Variants in TBC1D19 observed in about 807,000 individuals in gnomAD.
The protein encoded by TBC1D19 is TBC1 domain family, member 19.
TBC1D19 carries 60 observed loss-of-function variants against 89.0 expected under a neutral mutation model. The ratio of observed to expected loss-of-function variants is 0.67; its 90% CI spans 0.55 to 0.84. TBC1D19 has a LOEUF of 0.84. Ranked by LOEUF, TBC1D19 falls within the 40% of genes least tolerant of loss-of-function variation. TBC1D19 has a pLI of 0.00. For synonymous variants in TBC1D19, 189 were observed against 199.7 expected, an observed-to-expected ratio of 0.95 and a Z score of 0.45; for missense variants, 500 against 610.8, an observed-to-expected ratio of 0.82 and a Z score of 1.91.
chr4:26,585,865 G>A (rs1171643469), intron 1 of TBC1D19, among the ~76,000 whole-genome samples: 5 of 152,066 alleles, frequency 3.3e-5, no homozygotes, highest in Non-Finnish European at 2.9e-5. Context: ...GATTACAGAC[G>A]TGAGCCACCA....
At chr4:26,609,637 G>A (rs999119627) in intron 1 of TBC1D19, among the ~76,000 whole-genome samples, 6 of 152,150 alleles carry the variant, frequency 3.9e-5, no homozygotes, top group African/African-American at 1.4e-4. Flanking sequence ...GCAACAGCAG[G>A]AGATGAATTT....
the TBC1D19 span, among the ~76,000 whole-genome samples, chr4:26,794,044 A>G: frequency 2.6e-5 from 4 of 152,196 alleles, no homozygotes; most frequent in Non-Finnish European, 5.9e-5. Context: ...AGGTGGGATC[A>G]CGTAGACTGA....
chr4:26,667,997 A>G (rs964420446), intron 9 of TBC1D19, among the ~76,000 whole-genome samples: 2 of 151,964 alleles, frequency 1.3e-5, no homozygotes, highest in African/African-American at 2.4e-5. Flanking sequence ...TCTCCATATT[A>G]AAGTAGAGGA....
the TBC1D19 span, among the ~76,000 whole-genome samples, chr4:26,808,118 A>G: frequency 6.6e-6 from 1 of 152,234 alleles, no homozygotes; most frequent in Non-Finnish European, 1.5e-5. Context: ...TTGAGGACCC[A>G]AAAAATGATT....
intron 18 of TBC1D19, among the ~76,000 whole-genome samples, 176 bp downstream of exon 18, chr4:26,742,775 G>A (rs567799764): frequency 1.1e-4 from 16 of 152,146 alleles, no homozygotes; most frequent in African/African-American, 3.9e-4. Flanking sequence ...AAAAATTCTT[G>A]AAAGAATTAC....
chr4:26,770,443 A>G, the TBC1D19 span, among the ~76,000 whole-genome samples: 4 of 152,150 alleles, frequency 2.6e-5, no homozygotes, highest in Non-Finnish European at 5.9e-5. Flanking sequence ...CAAGTCTACA[A>G]TTAATCAGAT....
At chr4:26,608,893 G>T (rs1741173345) in intron 1 of TBC1D19, among the ~76,000 whole-genome samples, 1 of 151,228 alleles carries the variant, frequency 6.6e-6, no homozygotes, top group Admixed American at 6.6e-5. Context: ...TGTTTATTGT[G>T]GCACTATTCA....
chr4:26,743,057 C>G (rs1330278884), intron 18 of TBC1D19, among the ~76,000 whole-genome samples: 1 of 152,074 alleles, frequency 6.6e-6, no homozygotes, highest in Non-Finnish European at 1.5e-5. Flanking sequence ...TGGTTGTACA[C>G]TGTGATTTCT....
At chr4:26,699,947 G>A (rs898437287) in intron 13 of TBC1D19, among the ~76,000 whole-genome samples, 3 of 151,762 alleles carry the variant, frequency 2.0e-5, no homozygotes, top group African/African-American at 7.3e-5. Flanking sequence ...AACCAACATG[G>A]CACATGTATA....
intron 4 of TBC1D19, among the ~76,000 whole-genome samples, chr4:26,634,110 T>A (rs1577841747): frequency 3.3e-5 from 5 of 151,726 alleles, no homozygotes; most frequent in African/African-American, 4.8e-5. Flanking sequence ...TCACCTCTGG[T>A]GGTGTAGCTA....
the TBC1D19 span, among the ~76,000 whole-genome samples, chr4:26,833,602 G>A: frequency 6.6e-6 from 1 of 152,202 alleles, no homozygotes; most frequent in African/African-American, 2.4e-5. Context: ...GAGCTGAAAT[G>A]TTTCTAAAGC....
At chr4:26,662,383 G>GA (rs2109082367) in intron 8 of TBC1D19, among the ~76,000 whole-genome samples, 1 of 152,160 alleles carries the variant, frequency 6.6e-6, no homozygotes, top group African/African-American at 2.4e-5. Context: ...CAAAGCTGAG[G>GA]AAATCTTTAT....
At chr4:26,783,734 A>T in the TBC1D19 span, among the ~76,000 whole-genome samples, 55,343 of 151,974 alleles carry the variant, frequency 0.36, 11,064 homozygotes, top group East Asian at 0.56. Context: ...ATAAGACAGG[A>T]GGATGCGGGT....
chr4:26,719,292 C>T (rs989792846), intron 14 of TBC1D19, among the ~76,000 whole-genome samples: 2 of 152,022 alleles, frequency 1.3e-5, no homozygotes, highest in African/African-American at 4.8e-5. Context: ...TCCACCCTAA[C>T]CTGAACTGCT....
rs1718331224 is a variant in TBC1D19 at position 26,740,944 on chromosome 4, A to G, written c.1227+971A>G. 6.1e-6 allele frequency: 6 copies of G among 985,460 alleles called. No individual in the cohort carries two copies. The South Asian group carries it at 2.8e-4, about 46-fold the overall frequency. The allele number at this position is 985,460 out of a possible 1,614,324, so 61.0% of individuals were successfully genotyped here. A position where few individuals can be genotyped will look rare whatever the true frequency, so the allele number is the denominator to read the frequency against. Reference sequence around the variant, plus strand: ...GAATTCCAGGATGTTACAGATAAACAAATGAAGCAACACCAGTTATCCTGG... The same window carrying G: ...GAATTCCAGGATGTTACAGATAAACGAATGAAGCAACACCAGTTATCCTGG... On this transcript the variant is annotated intron_variant, in intron 17 of 20. Coordinates refer to ENST00000264866, the MANE Select transcript of TBC1D19 (RefSeq NM_018317.4).
the TBC1D19 span, among the ~76,000 whole-genome samples, chr4:26,810,022 T>A: frequency 6.6e-6 from 1 of 152,218 alleles, no homozygotes; most frequent in Non-Finnish European, 1.5e-5. Flanking sequence ...CTGTGTGTTC[T>A]CTCCAGCTGG....
intron 3 of TBC1D19, among the ~76,000 whole-genome samples, chr4:26,619,808 A>G (rs1741924360): frequency 6.6e-6 from 1 of 152,190 alleles, no homozygotes; most frequent in South Asian, 2.1e-4. Flanking sequence ...TTAGCCTTTT[A>G]CATGTAGGCT....
chr4:26,620,734 G>A (rs1450675930), intron 4 of TBC1D19, 46 bp downstream of exon 4: 2 of 1,545,368 alleles, frequency 1.3e-6, no homozygotes, highest in Admixed American at 1.7e-5. Flanking sequence ...GCCAAGTTAT[G>A]TAATACAGAG....
chr4:26,752,775 A>G (rs924229450), intron 19 of TBC1D19, among the ~76,000 whole-genome samples: 25 of 152,162 alleles, frequency 1.6e-4, no homozygotes, highest in African/African-American at 5.6e-4. Flanking sequence ...GCATGTTAGC[A>G]TTACTCTTTT....
Sources: gnomAD v4.1 joint callset for allele counts (sites outside exome capture counted in the v4.1 genomes callset) on GRCh38, gnomAD v4.1.1 for gene constraint, MANE v1.5 for transcripts, NCBI Gene and HGNC (gene_info 2026-07-23, HGNC 2026-07-21) for gene names.